The following NCOA2 variants were observed in gnomAD, a reference collection of about 807,000 sequenced individuals.
The protein encoded by NCOA2 is class E basic helix-loop-helix protein 75.
NCOA2 carries 21 observed loss-of-function variants against 145.1 expected under a neutral mutation model. The ratio of observed to expected loss-of-function variants is 0.14; its 90% CI spans 0.10 to 0.21. NCOA2 has a LOEUF of 0.21. NCOA2 is among the 10% of genes least tolerant of loss of function. The probability of loss-of-function intolerance (pLI) is 1.00; values close to 1 mark genes in which losing one functional copy is unlikely to be tolerated. For synonymous variants in NCOA2, 619 were observed against 637.5 expected (o/e 0.97, Z 0.44); for missense variants, 1,472 against 1,837.6 (o/e 0.80, Z 3.64).
the NCOA2 span, among the ~76,000 whole-genome samples, chr8:70,450,459 C>G: frequency 5.3e-5 from 8 of 152,086 alleles, no homozygotes; most frequent in Admixed American, 5.2e-4. Flanking sequence ...TGATCTTGGA[C>G]TTTCCAGCCT....
In NCOA2 at chr8:70,166,725, G is replaced by A. The variant is rs1813658737; in HGVS notation, c.571C>T (p.Pro191Ser). The A allele has an allele frequency of 1.2e-6, 2 of 1,613,818 alleles. No individual in the cohort carries two copies. Among genetic ancestry groups the A allele is most frequent in the East Asian group, 2.2e-5 (1 of 44,904 alleles). The change falls in exon 7 of 23, where the codon CCG becomes TCG. Residue 191 changes from proline (P) to serine (S), a missense_variant. Physicochemically the swap from Pro to Ser is moderately conservative, Grantham distance 74. Transcript: ENST00000452400. ...TTGAAGGTATGGCTGTTCCGCCTCG[G>A]AGGTTCGCCAGACCAAGATCCCCCA... ...VNGGSWSGEP[P>S]RRNSHTFNCR...
At chr8:70,168,128 C>G (rs1813841670) in intron 6 of NCOA2, among the ~76,000 whole-genome samples, 2 of 152,150 alleles carry the variant, frequency 1.3e-5, no homozygotes, top group African/African-American at 4.8e-5. Context: ...TACAGCGAAT[C>G]CAATGGCCCA....
intron 1 of NCOA2, among the ~76,000 whole-genome samples, chr8:70,306,596 C>T (rs1042778512): frequency 6.6e-6 from 1 of 152,106 alleles, no homozygotes; most frequent in African/African-American, 2.4e-5. Context: ...ATTTTACATG[C>T]TGGTCGGGCT....
rs370685018 is a variant in NCOA2, at chr8:70,342,774, TACACACACACACACACAC to T, written c.-76-45992_-76-45975del. Among the ~76,000 whole-genome samples, 53 of 124,130 alleles carry T rather than the reference TACACACACACACACACAC, an allele frequency of 4.3e-4. No homozygotes were observed. The South Asian group carries it at 8.3e-3, about 19-fold the overall frequency. 81.4% of individuals were successfully genotyped at this position (124,130 alleles called of 152,430 possible). A position where few individuals can be genotyped will look rare whatever the true frequency, so the allele number is the denominator to read the frequency against. The stretch of plus-strand genomic sequence containing the variant: ...TTACACACTTTTCTTCTTTTGCAAT[TACACACACACACACACAC>T]ACACACACACACACACACACACACA... On this transcript the variant is annotated intron_variant, in intron 1 of 22. Transcript: ENST00000452400.
At chr8:70,159,477 G>A in intron 10 of NCOA2, 28 bp downstream of exon 10, 1 of 1,528,776 alleles carries the variant, frequency 6.5e-7, no homozygotes, top group Admixed American at 1.8e-5. Flanking sequence ...CTTGGAAATG[G>A]AAAATGACTT....
chr8:70,246,601 C>A (rs1442090588), intron 2 of NCOA2, among the ~76,000 whole-genome samples: 1 of 151,942 alleles, frequency 6.6e-6, no homozygotes, highest in Non-Finnish European at 1.5e-5. Flanking sequence ...TCATCTTAAC[C>A]ATTTGTAAGT....
At chr8:70,316,915 C>T (rs1444893738) in intron 1 of NCOA2, among the ~76,000 whole-genome samples, 2 of 152,076 alleles carry the variant, frequency 1.3e-5, no homozygotes, top group East Asian at 1.9e-4. Context: ...GAGGTGTTGC[C>T]CACCTCTTTT....
intron 2 of NCOA2, among the ~76,000 whole-genome samples, chr8:70,242,726 A>C (rs1822251125): frequency 6.6e-6 from 1 of 151,996 alleles, no homozygotes; most frequent in African/African-American, 2.4e-5. Context: ...ATCCTGCCTA[A>C]ATCTTCCCAA....
chr8:70,378,122 G>A lies in NCOA2; in HGVS notation c.-77+25578C>T, dbSNP rs558111321. Among the ~76,000 whole-genome samples the A allele has an allele frequency of 3.9e-4, 59 of 152,026 alleles. 1 individual carries two copies. In the South Asian group the frequency reaches 4.2e-3, roughly 11 times the overall value. Reference sequence around the variant, plus strand: ...CAGTAACATAGGCTTAAGAGATACCGCTTACACAGCATATAAACCACCTTG... The same window carrying A: ...CAGTAACATAGGCTTAAGAGATACCACTTACACAGCATATAAACCACCTTG... On this transcript the variant is annotated intron_variant, in intron 1 of 22. Transcript: ENST00000452400.
At chr8:70,247,222 G>T (rs899740789) in intron 2 of NCOA2, among the ~76,000 whole-genome samples, 11 of 152,100 alleles carry the variant, frequency 7.2e-5, no homozygotes, top group Admixed American at 2.0e-4. Flanking sequence ...AGGTGTCAGG[G>T]AACATAAGTT....
At chr8:70,257,063 A>G (rs1823696653) in intron 2 of NCOA2, among the ~76,000 whole-genome samples, 1 of 152,166 alleles carries the variant, frequency 6.6e-6, no homozygotes, top group East Asian at 1.9e-4. Flanking sequence ...CAGAGGTACT[A>G]GTTTAGTCCA....
chr8:70,293,279 C>A (rs1456591134), intron 2 of NCOA2, among the ~76,000 whole-genome samples: 1 of 152,116 alleles, frequency 6.6e-6, no homozygotes, highest in African/African-American at 2.4e-5. Context: ...ACATATACAT[C>A]CAGTTAAATC....
At chr8:70,450,026 C>T in the NCOA2 span, among the ~76,000 whole-genome samples, 5 of 151,974 alleles carry the variant, frequency 3.3e-5, no homozygotes, top group Non-Finnish European at 7.4e-5. Context: ...TTTTAGAAAC[C>T]TTTCTCCTTG....
chr8:70,427,819 G>A, the NCOA2 span, among the ~76,000 whole-genome samples: 4 of 152,166 alleles, frequency 2.6e-5, no homozygotes, highest in Non-Finnish European at 5.9e-5. Flanking sequence ...CAACATGATT[G>A]CAAGCCAGTG....
the NCOA2 span, among the ~76,000 whole-genome samples, chr8:70,418,492 C>T: frequency 6.6e-6 from 1 of 152,194 alleles, no homozygotes; most frequent in Non-Finnish European, 1.5e-5. Context: ...TCAGCAAACT[C>T]ATAAACAAGG....
At chr8:70,169,747 T>G (rs536761519) in intron 6 of NCOA2, among the ~76,000 whole-genome samples, 1 of 152,168 alleles carries the variant, frequency 6.6e-6, no homozygotes, top group Non-Finnish European at 1.5e-5. Context: ...ACACCTACTA[T>G]GTATGCACAA....
chr8:70,118,507 T>C (rs577976207), intron 22 of NCOA2, among the ~76,000 whole-genome samples: 25 of 152,286 alleles, frequency 1.6e-4, no homozygotes, highest in Non-Finnish European at 2.8e-4. Flanking sequence ...CACTCGGGAC[T>C]GTGATTCTTA....
the NCOA2 span, among the ~76,000 whole-genome samples, chr8:70,422,463 T>C: frequency 6.6e-6 from 1 of 151,868 alleles, no homozygotes; most frequent in Admixed American, 6.6e-5. Flanking sequence ...CAGGTTGGAG[T>C]GAAGTCGTGC....
chr8:70,223,534 T>C (rs61629993), intron 2 of NCOA2, among the ~76,000 whole-genome samples: 5,875 of 152,296 alleles, frequency 0.039, 387 homozygotes, highest in African/African-American at 0.13. Flanking sequence ...TTGATATGTA[T>C]GTATATATAC....
Sources: gnomAD v4.1 joint callset for allele counts (sites outside exome capture counted in the v4.1 genomes callset) on GRCh38, gnomAD v4.1.1 for gene constraint, MANE v1.5 for transcripts, NCBI Gene and HGNC (gene_info 2026-07-23, HGNC 2026-07-21) for gene names.